XYLT1: variants seen among roughly 807,000 people sequenced by gnomAD.
XYLT1 encodes xylosyltransferase 1.
A neutral mutation model predicts 91.3 loss-of-function variants in XYLT1; 36 were observed. That is an observed-to-expected ratio of 0.39 (90% CI 0.30 to 0.52). The LOEUF is 0.52. Among genes scored for constraint, XYLT1 ranks in the 20% least tolerant of loss-of-function variants. The pLI is 0.68. For missense variants in XYLT1, 1,242 were observed against 1,284.5 expected, an observed-to-expected ratio of 0.97 and a Z score of 0.51; for synonymous variants, 588 against 532.0, an observed-to-expected ratio of 1.11 and a Z score of -1.45.
chr16:17,437,961 G>A (rs568692664), intron 1 of XYLT1, among the ~76,000 whole-genome samples: 1 of 152,240 alleles, frequency 6.6e-6, no homozygotes, highest in South Asian at 2.1e-4. Flanking sequence ...GTTTGCAGAG[G>A]AACCAAAATT....
At chr16:17,225,962 C>A (rs2033057691) in intron 3 of XYLT1, among the ~76,000 whole-genome samples, 1 of 152,028 alleles carries the variant, frequency 6.6e-6, no homozygotes. Flanking sequence ...CTAAGAACAT[C>A]TGCAAAAAAT....
chr16:17,467,065 T>C (rs1340870118), intron 1 of XYLT1, among the ~76,000 whole-genome samples: 2 of 152,210 alleles, frequency 1.3e-5, no homozygotes, highest in African/African-American at 4.8e-5. Context: ...ATCTGAGTAA[T>C]GTGAAGCATG....
intron 3 of XYLT1, among the ~76,000 whole-genome samples, chr16:17,244,557 T>C (rs2033403566): frequency 6.6e-6 from 1 of 152,196 alleles, no homozygotes; most frequent in Non-Finnish European, 1.5e-5. Flanking sequence ...CTGTTTGACC[T>C]GCCAATTCTA....
At chr16:17,226,257 A>G (rs2033064380) in intron 3 of XYLT1, among the ~76,000 whole-genome samples, 1 of 152,220 alleles carries the variant, frequency 6.6e-6, no homozygotes, top group South Asian at 2.1e-4. Context: ...AACTGAAACC[A>G]ATGAAACACC....
intron 1 of XYLT1, among the ~76,000 whole-genome samples, chr16:17,384,746 T>C (rs1461881529): frequency 2.6e-5 from 4 of 151,902 alleles, no homozygotes; most frequent in Non-Finnish European, 4.4e-5. Context: ...CTGTTTTATT[T>C]AGCAAAGCTA....
intron 3 of XYLT1, among the ~76,000 whole-genome samples, chr16:17,251,825 C>CCA (rs2033543927): frequency 6.6e-6 from 1 of 152,108 alleles, no homozygotes; most frequent in African/African-American, 2.4e-5. Flanking sequence ...ACCAGGGCTT[C>CCA]TGGGGAAGAG....
At chr16:17,337,374 G>A (rs1007608620) in intron 2 of XYLT1, among the ~76,000 whole-genome samples, 1 of 151,996 alleles carries the variant, frequency 6.6e-6, no homozygotes, top group Non-Finnish European at 1.5e-5. Flanking sequence ...GAGATGAGAG[G>A]GGGTCTCACT....
chr16:17,225,605 G>GA (rs751015865), intron 3 of XYLT1, among the ~76,000 whole-genome samples: 4,360 of 139,672 alleles, frequency 0.031, 65 homozygotes, highest in Admixed American at 0.043. Context: ...GAAGAAGGAG[G>GA]AAAAAAAAAA....
intron 1 of XYLT1, among the ~76,000 whole-genome samples, chr16:17,454,508 T>C (rs1596554538): frequency 6.6e-6 from 1 of 151,972 alleles, no homozygotes; most frequent in African/African-American, 2.4e-5. Flanking sequence ...GACATGGCTG[T>C]GTTCCAATAA....
intron 1 of XYLT1, among the ~76,000 whole-genome samples, chr16:17,440,641 C>A (rs765457743): frequency 1.2e-4 from 19 of 152,156 alleles, no homozygotes; most frequent in Non-Finnish European, 2.5e-4. Flanking sequence ...AATCTGGATA[C>A]TAAGTTCCAC....
intron 2 of XYLT1, among the ~76,000 whole-genome samples, chr16:17,310,968 C>T (rs982517819): frequency 1.3e-5 from 2 of 152,310 alleles, no homozygotes; most frequent in South Asian, 4.1e-4. Context: ...TAGAATAAAA[C>T]ACAGCATGGT....
chr16:17,187,581 A>AAAG (rs1157497934), intron 5 of XYLT1, among the ~76,000 whole-genome samples: 6 of 150,282 alleles, frequency 4.0e-5, no homozygotes, highest in Admixed American at 2.0e-4. Context: ...AAAAAAAAAA[A>AAAG]AAAAAAAGAA....
chr16:17,241,315 G>A (rs2033342607), intron 3 of XYLT1, among the ~76,000 whole-genome samples: 1 of 152,208 alleles, frequency 6.6e-6, no homozygotes, highest in Non-Finnish European at 1.5e-5. Context: ...TTGAGGTTTA[G>A]GCTGAGAAAG....
intron 2 of XYLT1, among the ~76,000 whole-genome samples, chr16:17,325,611 AC>A (rs773534605): frequency 4.6e-5 from 7 of 152,194 alleles, no homozygotes; most frequent in Non-Finnish European, 8.8e-5. Flanking sequence ...AAAAAAACAT[AC>A]AAAAAGCTGG....
chr16:17,217,863 T>C (rs182289986), intron 3 of XYLT1, among the ~76,000 whole-genome samples: 1 of 149,862 alleles, frequency 6.7e-6, no homozygotes, highest in Non-Finnish European at 1.5e-5. Flanking sequence ...ACATAAAGAG[T>C]GAGCCAGGTG....
intron 2 of XYLT1, among the ~76,000 whole-genome samples, chr16:17,291,894 T>A (rs988733702): frequency 6.6e-6 from 1 of 151,932 alleles, no homozygotes. Flanking sequence ...GAGAAAAGAA[T>A]ATGATAGGAT....
chr16:17,358,189 G>T, intron 1 of XYLT1, 139 bp from the exon 2 acceptor site: 1 of 835,584 alleles, frequency 1.2e-6, no homozygotes, highest in Non-Finnish European at 1.8e-6. Flanking sequence ...GAGAGCAGTG[G>T]CATGATCATA....
chr16:17,137,194 C>T (rs986796458), intron 8 of XYLT1, among the ~76,000 whole-genome samples: 1 of 152,094 alleles, frequency 6.6e-6, no homozygotes, highest in Non-Finnish European at 1.5e-5. Flanking sequence ...ACCAGGAAGG[C>T]AGCAGGGACT....
chr16:17,412,053 C>A (rs912145115), intron 1 of XYLT1, among the ~76,000 whole-genome samples: 15 of 152,140 alleles, frequency 9.9e-5, no homozygotes, highest in African/African-American at 3.1e-4. Flanking sequence ...AGATCTTCCA[C>A]ATTGCAATAT....
Sources: gnomAD v4.1 joint callset for allele counts (sites outside exome capture counted in the v4.1 genomes callset) on GRCh38, gnomAD v4.1.1 for gene constraint, MANE v1.5 for transcripts, NCBI Gene and HGNC (gene_info 2026-07-23, HGNC 2026-07-21) for gene names.